RND1: variants seen among roughly 807,000 people sequenced by gnomAD.
The protein encoded by RND1 is rho-related GTP-binding protein Rho6.
Under a neutral mutation model 27.1 loss-of-function variants are expected in RND1, and 9 were observed. The ratio of observed to expected loss-of-function variants is 0.33; its 90% CI spans 0.20 to 0.58. The LOEUF is 0.58. Ranked by LOEUF, RND1 falls within the 20% of genes least tolerant of loss-of-function variation. RND1 has a pLI of 0.86. For synonymous variants in RND1, 108 were observed against 115.7 expected (o/e 0.93, Z 0.43); for missense variants, 253 against 292.2 (o/e 0.87, Z 0.98).
At chr12:48,864,435 G>T (rs1938960798) in intron 2 of RND1, among the ~76,000 whole-genome samples, 1 of 151,920 alleles carries the variant, frequency 6.6e-6, no homozygotes. Flanking sequence ...GCGCGTGTGT[G>T]TGCATGTGTG....
intron 1 of RND1, among the ~76,000 whole-genome samples, chr12:48,865,092 G>A (rs1252811119): frequency 4.0e-5 from 6 of 151,862 alleles, no homozygotes; most frequent in African/African-American, 7.3e-5. Context: ...CCACACCAGG[G>A]GTAAGCCCCC....
chr12:48,863,683 T>C (rs1014408483), intron 2 of RND1, among the ~76,000 whole-genome samples: 8 of 152,102 alleles, frequency 5.3e-5, no homozygotes, highest in Admixed American at 4.6e-4. Context: ...AAAGGCTCAT[T>C]GTCTGTCTAA....
In RND1 at chr12:48,865,826, G is replaced by A. The variant is rs1938980685; in HGVS notation, c.-59C>T. 2.6e-6 allele frequency: 4 copies of A among 1,533,090 alleles called. No individual in the cohort carries two copies. Among genetic ancestry groups the A allele is most frequent in the Admixed American group, 3.8e-5 (2 of 52,826 alleles). 95.0% of individuals were successfully genotyped at this position (1,533,090 alleles called of 1,614,324 possible). A position where few individuals can be genotyped will look rare whatever the true frequency, so the allele number is the denominator to read the frequency against. On this transcript the variant is annotated 5_prime_UTR_variant, in exon 1 of 5. In the 5' UTR this introduces an upstream ATG that the reference lacks. Transcript: ENST00000309739. ...CAGAAGGGAGGGTTGCGCCAGGTGC[G>A]TCTCAGCACGCCAATCAAGCCAGAT...
rs1938959695 is a variant in RND1 at position 48,864,422 on chromosome 12, C to CGT, written c.208+360_208+361insAC. Among the ~76,000 whole-genome samples the CGT allele has an allele frequency of 1.4e-4, 17 of 123,056 alleles. 1 individual carries two copies. In the South Asian group the frequency reaches 3.4e-3, roughly 24 times the overall value. The allele number at this position is 123,056 out of a possible 152,430, so 80.7% of individuals were successfully genotyped here. On this transcript the variant is annotated intron_variant, in intron 2 of 4. Transcript: ENST00000309739. The stretch of plus-strand genomic sequence containing the variant: ...GTGTGTGTGTGTGTGTGTGTGCGCG[C>CGT]GCGCGCGTGTGTGTGCATGTGTGTA...
chr12:48,863,132 C>A (rs1938939477), intron 2 of RND1, among the ~76,000 whole-genome samples: 1 of 152,038 alleles, frequency 6.6e-6, no homozygotes. Flanking sequence ...GGGGAGGAGG[C>A]CTCCATTTTG....
At chr12:48,864,479 T>C (rs141265022) in intron 2 of RND1, among the ~76,000 whole-genome samples, 27 of 150,878 alleles carry the variant, frequency 1.8e-4, no homozygotes, top group African/African-American at 6.4e-4. Flanking sequence ...GGAATGGAAA[T>C]GGAGAAGTCC....
intron 1 of RND1, 84 bp from the exon 2 acceptor site, chr12:48,864,954 G>C: frequency 1.0e-6 from 1 of 1,004,092 alleles, no homozygotes; most frequent in Non-Finnish European, 1.6e-6. Context: ...GCACTCACCA[G>C]AGAGACAGTA....
At chr12:48,865,233 G>C (rs1040122015) in intron 1 of RND1, 1 of 377,630 alleles carries the variant, frequency 2.6e-6, no homozygotes, top group Non-Finnish European at 5.0e-6. Flanking sequence ...CTCCCGGCCA[G>C]GTGAACAGAG....
chr12:48,865,825 C>A lies in RND1; in HGVS notation c.-58G>T, dbSNP rs1228821845. The A allele has an allele frequency of 1.3e-6, 2 of 1,531,546 alleles. No homozygotes were observed. The highest frequency in any genetic ancestry group is 2.3e-5 in the East Asian group (1 of 43,130). The allele number at this position is 1,531,546 out of a possible 1,614,324, so 94.9% of individuals were successfully genotyped here. ...TCAGAAGGGAGGGTTGCGCCAGGTGCGTCTCAGCACGCCAATCAAGCCAGA... is the reference window on the plus strand; with the variant it reads ...TCAGAAGGGAGGGTTGCGCCAGGTGAGTCTCAGCACGCCAATCAAGCCAGA... On this transcript the variant is annotated 5_prime_UTR_variant, in exon 1 of 5. Transcript: ENST00000309739.
At chr12:48,859,538 C>T (rs1450401539) in intron 4 of RND1, among the ~76,000 whole-genome samples, 1 of 151,856 alleles carries the variant, frequency 6.6e-6, no homozygotes, top group East Asian at 2.0e-4. Context: ...GAAACTCAGT[C>T]CCCCAACCCT....
At chr12:48,864,384 GGTGTGT>G (rs539837491) in intron 2 of RND1, among the ~76,000 whole-genome samples, 207 of 141,792 alleles carry the variant, frequency 1.5e-3, no homozygotes, top group Middle Eastern at 3.5e-3. Context: ...GGAAGTAAAA[GGTGTGT>G]GTGTGTGTGT....
Position 48,857,258 on chromosome 12 carries a change from A to G in RND1, c.*738T>C, listed in dbSNP as rs1413657849. 1 of 140,944 alleles carries G rather than the reference A, an allele frequency of 7.1e-6. No homozygotes were observed. Among genetic ancestry groups the G allele is most frequent in the Admixed American group, 7.4e-5 (1 of 13,568 alleles). 8.7% of individuals were successfully genotyped at this position (140,944 alleles called of 1,614,324 possible). A position where few individuals can be genotyped will look rare whatever the true frequency, so the allele number is the denominator to read the frequency against. ...CCCCCAATTCCAAAGACAAGAGTCTATAAAACAAATGCCAGCTGTACTACC... is the reference window on the plus strand; with the variant it reads ...CCCCCAATTCCAAAGACAAGAGTCTGTAAAACAAATGCCAGCTGTACTACC... On this transcript the variant is annotated 3_prime_UTR_variant, in exon 5 of 5. Transcript: ENST00000309739.
At position 48,858,012 on chromosome 12, in the gene RND1, C is replaced by A; in HGVS notation, c.683G>T (p.Ser228Ile). 1 of 1,607,102 alleles carries A rather than the reference C, an allele frequency of 6.2e-7. No homozygotes were observed. The highest frequency in any genetic ancestry group is 8.5e-7 in the Non-Finnish European group (1 of 1,176,306). Residue 228 changes from serine to isoleucine, a missense_variant, in exon 5 of 5, where the codon AGC becomes ATC. Ser to Ile is a moderately radical substitution (Grantham distance 142). Transcript: ENST00000309739. ...ATTTCCACTTCACATAATGGAACAG[C>A]TTTTGGCCTTTTCCTTCTTGAAGGT... ...SSTFKKEKAK[S>I]CSIM
Position 48,865,745 on chromosome 12 carries a change from T to A in RND1, c.23A>T (p.Gln8Leu), listed in dbSNP as rs1207127685. The change falls in exon 1 of 5, where the codon CAG becomes CTG. Residue 8 changes from glutamine (Q) to leucine (L), a missense_variant. By Grantham distance (113) the Gln-to-Leu change is moderately radical. Transcript: ENST00000309739. MKERRAP[Q>L]PVVARCKLVL... ...GAGCTTACATCTGGCCACGACTGGC[T>A]GGGGGGCCCGTCTCTCCTTCATGGT... 12 of 1,606,412 alleles carry A rather than the reference T, an allele frequency of 7.5e-6. No homozygotes were observed. The highest frequency in any genetic ancestry group is 1.0e-5 in the Non-Finnish European group (12 of 1,174,250).
intron 2 of RND1, among the ~76,000 whole-genome samples, chr12:48,863,928 G>A (rs7310859): frequency 0.059 from 9,003 of 152,128 alleles, 911 homozygotes; most frequent in African/African-American, 0.2. Flanking sequence ...ATTGAAAAAG[G>A]TCTGGGGTAA....
At chr12:48,858,779 A>G (rs1027742930) in intron 4 of RND1, 9 of 151,422 alleles carry the variant, frequency 5.9e-5, no homozygotes, top group African/African-American at 2.2e-4. Context: ...CTCAAATACT[A>G]GAGAGGATCC....
chr12:48,863,553 G>A (rs1938945624), intron 2 of RND1, among the ~76,000 whole-genome samples: 1 of 152,130 alleles, frequency 6.6e-6, no homozygotes, highest in Non-Finnish European at 1.5e-5. Flanking sequence ...CCATCAAGCT[G>A]CATTCTAGCC....
At position 48,857,535 on chromosome 12, in the gene RND1, C is replaced by A. The variant is rs1592208996; in HGVS notation, c.*461G>T. ...TTACGAAGCACCTGGGCTAAGCCCC[C>A]AAGGGAGCTGCCGCTCCACTTCCCC... On this transcript the variant is annotated 3_prime_UTR_variant, in exon 5 of 5. Transcript: ENST00000309739. 1 of 155,994 alleles carries A rather than the reference C, an allele frequency of 6.4e-6. No individual in the cohort carries two copies. The highest frequency in any genetic ancestry group is 6.3e-5 in the Admixed American group (1 of 15,750). The allele number at this position is 155,994 out of a possible 1,614,324, so 9.7% of individuals were successfully genotyped here.
chr12:48,865,281 C>T, intron 1 of RND1: 1 of 387,178 alleles, frequency 2.6e-6, no homozygotes, highest in Non-Finnish European at 4.9e-6. Context: ...AGGCATAGAG[C>T]CTTTGAGGAG....
Sources: allele counts gnomAD v4.1 joint callset (sites outside exome capture counted in the v4.1 genomes callset), GRCh38; gene constraint gnomAD v4.1.1; transcripts MANE v1.5; gene names NCBI Gene and HGNC (gene_info 2026-07-23, HGNC 2026-07-21).